Variants in SAMMSON observed in about 807,000 individuals in gnomAD.
The protein encoded by SAMMSON is long intergenic non-protein coding RNA 1212.
intron 4 of SAMMSON, chr3:70,125,994 G>T: frequency 1.2e-6 from 1 of 817,658 alleles, no homozygotes; most frequent in Non-Finnish European, 2.0e-6. Context: ...GGTCTTCATA[G>T]ATGGGAGGCT....
intron 7 of SAMMSON, among the ~76,000 whole-genome samples, chr3:70,342,158 C>A (rs1259032755): frequency 6.6e-6 from 1 of 152,172 alleles, no homozygotes. Context: ...TTGTAAAACA[C>A]TATTACCATT....
chr3:70,320,126 A>C (rs922909680), intron 7 of SAMMSON, among the ~76,000 whole-genome samples: 1 of 152,110 alleles, frequency 6.6e-6, no homozygotes, highest in Non-Finnish European at 1.5e-5. Context: ...GCTGAGGACC[A>C]GCAAACAGGA....
rs2067164474 is a variant in SAMMSON at position 70,055,684 on chromosome 3, T to C, written n.418-15792T>C. On this transcript the variant is annotated intron_variant and non_coding_transcript_variant, in intron 3 of 9. Coordinates refer to ENST00000642114, the Ensembl canonical transcript of SAMMSON. ...CCCATTGTGTCTTTTCTAAGGCATG[T>C]GGAATTTTGCATAAATTCTAAATAA... Among the ~76,000 whole-genome samples, 4 of 152,284 alleles carry C rather than the reference T, an allele frequency of 2.6e-5. No individual in the cohort carries two copies. The South Asian group carries it at 8.3e-4, about 32-fold the overall frequency.
intron 7 of SAMMSON, among the ~76,000 whole-genome samples, chr3:70,353,099 T>C (rs1702804872): frequency 1.3e-5 from 2 of 152,000 alleles, no homozygotes; most frequent in African/African-American, 2.4e-5. Flanking sequence ...AACCTATCAA[T>C]GGACTTAAAT....
chr3:70,312,963 A>G (rs986547088), intron 7 of SAMMSON, among the ~76,000 whole-genome samples: 3 of 152,296 alleles, frequency 2.0e-5, no homozygotes, highest in Non-Finnish European at 4.4e-5. Context: ...TATTTTGGTT[A>G]AAAGAAAAGA....
intron 7 of SAMMSON, among the ~76,000 whole-genome samples, chr3:70,323,069 A>T (rs973488010): frequency 6.6e-6 from 1 of 152,138 alleles, no homozygotes; most frequent in Non-Finnish European, 1.5e-5. Flanking sequence ...CTCATTCCAC[A>T]AATTAGATTG....
downstream of SAMMSON, among the ~76,000 whole-genome samples, chr3:70,393,875 T>C (rs1701070133): frequency 6.6e-6 from 1 of 152,130 alleles, no homozygotes; most frequent in African/African-American, 2.4e-5. Context: ...TCTACATACA[T>C]GGAAGGATCA....
intron 7 of SAMMSON, among the ~76,000 whole-genome samples, chr3:70,326,543 G>A (rs1426106779): frequency 3.3e-5 from 5 of 152,198 alleles, no homozygotes; most frequent in South Asian, 4.1e-4. Context: ...TAACAGCTCT[G>A]AGGTCCATAG....
chr3:70,031,811 T>C (rs762684969), intron 3 of SAMMSON, among the ~76,000 whole-genome samples: 6 of 152,166 alleles, frequency 3.9e-5, no homozygotes, highest in Admixed American at 6.5e-5. Context: ...CCGACAGAGT[T>C]TGTAATGGCA....
chr3:70,014,177 A>G (rs1231556454), intron 3 of SAMMSON: 1 of 152,292 alleles, frequency 6.6e-6, no homozygotes, highest in East Asian at 1.9e-4. Flanking sequence ...CAAAGCGGAG[A>G]GAGAACTTCC....
chr3:70,324,009 C>T (rs1702557684), intron 7 of SAMMSON, among the ~76,000 whole-genome samples: 2 of 152,100 alleles, frequency 1.3e-5, no homozygotes, highest in Non-Finnish European at 2.9e-5. Context: ...CTCCACTTTA[C>T]ATTCATTCGT....
intron 7 of SAMMSON, among the ~76,000 whole-genome samples, chr3:70,325,286 G>A (rs1191633138): frequency 6.6e-6 from 1 of 152,102 alleles, no homozygotes; most frequent in Non-Finnish European, 1.5e-5. Flanking sequence ...GAACTGACCT[G>A]CCCCAAGTGA....
chr3:70,154,922 A>G (rs1263769694), intron 4 of SAMMSON, among the ~76,000 whole-genome samples: 1 of 151,962 alleles, frequency 6.6e-6, no homozygotes, highest in Non-Finnish European at 1.5e-5. Context: ...TCTAAAGGGT[A>G]GGGGTTCATG....
At chr3:70,019,038 C>G (rs2066999237) in intron 3 of SAMMSON, among the ~76,000 whole-genome samples, 1 of 152,176 alleles carries the variant, frequency 6.6e-6, no homozygotes, top group African/African-American at 2.4e-5. Flanking sequence ...CGATGTGGTG[C>G]TGAGAAGAAT....
chr3:70,060,993 G>T (rs190132589), intron 3 of SAMMSON, among the ~76,000 whole-genome samples: 1 of 152,026 alleles, frequency 6.6e-6, no homozygotes. Context: ...ATTGGAAGTC[G>T]TGAGAGCTTA....
At chr3:70,034,144 A>T (rs2107584592) in intron 3 of SAMMSON, among the ~76,000 whole-genome samples, 2 of 152,220 alleles carry the variant, frequency 1.3e-5, no homozygotes, top group East Asian at 3.9e-4. Flanking sequence ...GAGAGATGGA[A>T]CCAAAGCTGG....
intron 2 of SAMMSON, among the ~76,000 whole-genome samples, chr3:70,414,868 A>G (rs570626536): frequency 2.3e-4 from 35 of 152,304 alleles, no homozygotes; most frequent in Non-Finnish European, 4.1e-4. Flanking sequence ...TTTCAAAGAA[A>G]TTTCTAAAGT....
chr3:70,360,650 T>C (rs189260011), intron 9 of SAMMSON, among the ~76,000 whole-genome samples: 67 of 152,256 alleles, frequency 4.4e-4, no homozygotes, highest in Middle Eastern at 6.8e-3. Context: ...TGATTTAACA[T>C]TGTGAGTGTC....
chr3:70,361,851 A>G (rs142688240), intron 9 of SAMMSON, among the ~76,000 whole-genome samples: 1 of 152,326 alleles, frequency 6.6e-6, no homozygotes, highest in African/African-American at 2.4e-5. Context: ...GAGCAAGAAC[A>G]TAAATCCAAA....
Sources: allele counts gnomAD v4.1 joint callset (sites outside exome capture counted in the v4.1 genomes callset), GRCh38; gene constraint gnomAD v4.1.1; transcripts MANE v1.5; gene names NCBI Gene and HGNC (gene_info 2026-07-23, HGNC 2026-07-21).